The following RMND1 variants were observed in gnomAD, a reference collection of about 807,000 sequenced individuals.
The protein encoded by RMND1 is required for meiotic nuclear division 1 homolog.
Under a neutral mutation model 54.0 loss-of-function variants are expected in RMND1, and 41 were observed. That is an observed-to-expected ratio of 0.76 (90% CI 0.59 to 0.98). The LOEUF (loss-of-function observed/expected upper bound fraction) is 0.98. Among genes scored for constraint, RMND1 ranks in the 50% least tolerant of loss-of-function variants. The pLI, the probability that RMND1 is intolerant of heterozygous loss-of-function variation, is 0.00. For missense variants in RMND1, 457 were observed against 532.0 expected (o/e 0.86, Z 1.39); for synonymous variants, 183 against 181.7 (o/e 1.01, Z -0.06).
At chr6:151,436,623 C>A in intron 2 of RMND1, 69 bp from the exon 3 acceptor site, 1 of 1,470,334 alleles carries the variant, frequency 6.8e-7, no homozygotes, top group East Asian at 2.3e-5. Context: ...CTGCTGAGCA[C>A]CCTACTGGAC....
At chr6:151,430,076 A>C in intron 5 of RMND1, 62 bp downstream of exon 5, 1 of 1,029,510 alleles carries the variant, frequency 9.7e-7, no homozygotes, top group Non-Finnish European at 1.5e-6. Context: ...AGTATGTGCT[A>C]ATTAACAATT....
intron 4 of RMND1, among the ~76,000 whole-genome samples, chr6:151,431,950 T>C (rs1006073014): frequency 4.6e-5 from 7 of 151,784 alleles, no homozygotes; most frequent in Non-Finnish European, 8.8e-5. Flanking sequence ...TTTTTTTTTT[T>C]CTTTGAGGCA....
chr6:151,437,617 TTA>T (rs1428441276), intron 2 of RMND1, among the ~76,000 whole-genome samples: 1 of 152,210 alleles, frequency 6.6e-6, no homozygotes. Context: ...CAAAACAAGT[TTA>T]TGAGTCACTA....
At position 151,417,396 on chromosome 6, in the gene RMND1, G is replaced by A; in HGVS notation, c.1083C>T (p.His361=). The A allele has an allele frequency of 1.3e-6, 2 of 1,578,566 alleles. No individual in the cohort carries two copies. The highest frequency in any genetic ancestry group is 1.4e-5 in the African/African-American group (1 of 73,004). Residue 361 remains histidine, a synonymous_variant, in exon 10 of 12, where the codon CAC becomes CAT. Transcript: ENST00000444024. ...GGAAGTCTGAACTCAAGTTTATACG[G>A]TGCCTTTAAAAAGGAAAATTATAAC... The part of the protein sequence containing the change: ...QKIGELFALR[H]RINLSSDFLI...
intron 10 of RMND1, among the ~76,000 whole-genome samples, chr6:151,406,966 C>A (rs1779646949): frequency 6.6e-6 from 1 of 151,856 alleles, no homozygotes; most frequent in African/African-American, 2.4e-5. Context: ...TGGAGACCAG[C>A]CTGGGCAACA....
chr6:151,417,045 C>CTTA, intron 10 of RMND1: 1 of 366,718 alleles, frequency 2.7e-6, no homozygotes, highest in South Asian at 5.0e-5. Flanking sequence ...TACTGATGGA[C>CTTA]CATTAGGCTT....
intron 10 of RMND1, chr6:151,408,681 A>G (rs1335974051): frequency 6.6e-6 from 1 of 152,256 alleles, no homozygotes; most frequent in Non-Finnish European, 1.5e-5. Context: ...GGGTAAGCCC[A>G]ATGTAATCAC....
intron 1 of RMND1, among the ~76,000 whole-genome samples, chr6:151,450,402 G>A (rs1253103845): frequency 1.5e-4 from 22 of 145,316 alleles, no homozygotes; most frequent in Non-Finnish European, 4.5e-5. Context: ...CGGGAGGGAG[G>A]TGGGGGTCAG....
chr6:151,409,753 CA>C (rs1404716545), intron 10 of RMND1, among the ~76,000 whole-genome samples: 2 of 152,154 alleles, frequency 1.3e-5, no homozygotes, highest in East Asian at 1.9e-4. Flanking sequence ...ATGAGAGAGA[CA>C]TTTGAAAATC....
intron 1 of RMND1, among the ~76,000 whole-genome samples, chr6:151,451,198 T>TAAAAAA (rs58457871): frequency 7.1e-5 from 8 of 113,318 alleles, no homozygotes; most frequent in Non-Finnish European, 9.7e-5. Context: ...GAATGATCAA[T>TAAAAAA]AAAAAAAAAA....
At chr6:151,449,087 A>C (rs1322374850) in intron 1 of RMND1, among the ~76,000 whole-genome samples, 1 of 147,066 alleles carries the variant, frequency 6.8e-6, no homozygotes, top group Non-Finnish European at 1.5e-5. Flanking sequence ...AAAAAAAAAA[A>C]GCCTGGCGCG....
intron 3 of RMND1, chr6:151,436,120 A>C (rs908341401): frequency 2.0e-5 from 4 of 199,066 alleles, no homozygotes; most frequent in African/African-American, 9.5e-5. Context: ...AACAAAAAAA[A>C]AAAAAACACA....
intron 6 of RMND1, among the ~76,000 whole-genome samples, chr6:151,426,921 C>A (rs1235156629): frequency 6.6e-6 from 1 of 151,242 alleles, no homozygotes; most frequent in Non-Finnish European, 1.5e-5. Flanking sequence ...AAGCACCCGC[C>A]ACCATAACCA....
At chr6:151,433,108 T>C in intron 4 of RMND1, 47 bp downstream of exon 4, 1 of 1,230,714 alleles carries the variant, frequency 8.1e-7, no homozygotes, top group East Asian at 2.4e-5. Context: ...CCACAATTAC[T>C]TGACCCAAAC....
intron 1 of RMND1, among the ~76,000 whole-genome samples, chr6:151,450,357 TG>T (rs1222980614): frequency 7.5e-6 from 1 of 132,834 alleles, no homozygotes; most frequent in Admixed American, 7.5e-5. Context: ...GGGAGGGAGG[TG>T]GGGGTCAGCC....
intron 3 of RMND1, among the ~76,000 whole-genome samples, chr6:151,434,540 G>C (rs1780545169): frequency 6.6e-6 from 1 of 151,886 alleles, no homozygotes; most frequent in Non-Finnish European, 1.5e-5. Context: ...GTGAAGCACA[G>C]ACCACACAGC....
chr6:151,413,135 G>C (rs1450664477), intron 10 of RMND1, among the ~76,000 whole-genome samples: 2 of 152,176 alleles, frequency 1.3e-5, no homozygotes, highest in Non-Finnish European at 2.9e-5. Flanking sequence ...AACCACGAGT[G>C]AACTAGGAAG....
chr6:151,430,230 T>C, intron 4 of RMND1, 53 bp from the exon 5 acceptor site: 1 of 1,260,312 alleles, frequency 7.9e-7, no homozygotes, highest in African/African-American at 1.5e-5. Flanking sequence ...ATACATTCTT[T>C]AGGGTCGTAT....
intron 2 of RMND1, among the ~76,000 whole-genome samples, chr6:151,438,077 T>A (rs899040726): frequency 6.6e-6 from 1 of 152,176 alleles, no homozygotes; most frequent in Non-Finnish European, 1.5e-5. Context: ...AACACGGGGA[T>A]ATACAAATAA....
Sources: allele counts gnomAD v4.1 joint callset (sites outside exome capture counted in the v4.1 genomes callset), GRCh38; gene constraint gnomAD v4.1.1; transcripts MANE v1.5; gene names NCBI Gene and HGNC (gene_info 2026-07-23, HGNC 2026-07-21).